The following SYN3 variants were observed in gnomAD, a reference collection of about 807,000 sequenced individuals.
The protein encoded by SYN3 is synapsin-3.
Under a neutral mutation model 65.8 loss-of-function variants are expected in SYN3, and 35 were observed. That is an observed-to-expected ratio of 0.53 (90% CI 0.41 to 0.70). The LOEUF (loss-of-function observed/expected upper bound fraction) is 0.70. SYN3 is among the 30% of genes least tolerant of loss of function. The pLI, the probability that SYN3 is intolerant of heterozygous loss-of-function variation, is 0.00. For missense variants in SYN3, 680 were observed against 749.0 expected, an observed-to-expected ratio of 0.91 and a Z score of 1.08; for synonymous variants, 270 against 292.9, an observed-to-expected ratio of 0.92 and a Z score of 0.80.
At chr22:32,859,451 G>A (rs1421013518) in intron 6 of SYN3, 1 of 1,520,614 alleles carries the variant, frequency 6.6e-7, no homozygotes, top group African/African-American at 1.4e-5. Context: ...CTTCCCAGAT[G>A]ATGACAATGA....
chr22:32,797,287 AT>A (rs1238497206), intron 6 of SYN3, among the ~76,000 whole-genome samples: 4 of 152,192 alleles, frequency 2.6e-5, no homozygotes, highest in African/African-American at 9.6e-5. Flanking sequence ...ACCAATACTT[AT>A]TAAACTCGTT....
chr22:32,981,810 T>C (rs2052382754), intron 2 of SYN3, among the ~76,000 whole-genome samples: 1 of 152,142 alleles, frequency 6.6e-6, no homozygotes, highest in Non-Finnish European at 1.5e-5. Context: ...AGGATGTTTA[T>C]AGTGTTTTAT....
chr22:32,672,992 A>G (rs1292330836), intron 6 of SYN3, among the ~76,000 whole-genome samples: 4 of 152,240 alleles, frequency 2.6e-5, no homozygotes, highest in Admixed American at 6.5e-5. Context: ...ACGAAGCCCA[A>G]TCCCCTTTGG....
rs563679381 is a variant in SYN3, at chr22:32,589,201, C to T, written c.774+7473G>A. On this transcript the variant is annotated intron_variant, in intron 7 of 13. Coordinates refer to ENST00000358763, the MANE Select transcript of SYN3 (RefSeq NM_003490.4). ...GCTCTCTTGCTCTTGAATTCTTTCC[C>T]GAACAAAGCCAAGAACCTTCCCAGG... Among the ~76,000 whole-genome samples the T allele has an allele frequency of 9.3e-4, 142 of 152,254 alleles. 1 individual carries two copies. The South Asian group carries it at 0.012, about 13-fold the overall frequency.
intron 6 of SYN3, among the ~76,000 whole-genome samples, chr22:32,689,843 G>A (rs2060639231): frequency 6.6e-6 from 1 of 152,120 alleles, no homozygotes; most frequent in East Asian, 1.9e-4. Flanking sequence ...CGTCATCAGG[G>A]CAGAGTTTTT....
At chr22:32,865,871 G>C (rs1201381360) in intron 5 of SYN3, among the ~76,000 whole-genome samples, 1 of 152,162 alleles carries the variant, frequency 6.6e-6, no homozygotes, top group African/African-American at 2.4e-5. Flanking sequence ...ACCTGGAAGG[G>C]GGACAGAGTA....
At chr22:33,025,479 C>T (rs959651278) in intron 1 of SYN3, among the ~76,000 whole-genome samples, 2 of 133,624 alleles carry the variant, frequency 1.5e-5, no homozygotes, top group African/African-American at 5.5e-5. Context: ...ACTAAAAATA[C>T]AAAAATTAGC....
At chr22:32,951,424 C>T (rs906485426) in intron 3 of SYN3, among the ~76,000 whole-genome samples, 4 of 152,200 alleles carry the variant, frequency 2.6e-5, no homozygotes, top group African/African-American at 9.6e-5. Context: ...GCACTCATCC[C>T]TACGTGACAT....
chr22:32,894,662 A>C lies in SYN3; in HGVS notation c.462-25537T>G, dbSNP rs1248047492. Among the ~76,000 whole-genome samples, 4 of 152,234 alleles carry C rather than the reference A, an allele frequency of 2.6e-5. No homozygotes were observed. The East Asian group carries it at 7.7e-4, about 29-fold the overall frequency. Reference sequence around the variant, plus strand: ...GCAAGATGGTTCATCTTATGTGTCAACTTGACTGGGCTACAGGTGTTTAAA... The same window carrying C: ...GCAAGATGGTTCATCTTATGTGTCACCTTGACTGGGCTACAGGTGTTTAAA... On this transcript the variant is annotated intron_variant, in intron 4 of 13. Transcript: ENST00000358763.
intron 3 of SYN3, among the ~76,000 whole-genome samples, chr22:32,947,929 C>T (rs1601760052): frequency 1.3e-5 from 2 of 152,264 alleles, no homozygotes; most frequent in South Asian, 4.1e-4. Context: ...TGGGAGGAAG[C>T]CACTTCCAGA....
At position 32,513,722 on chromosome 22, in the gene SYN3, C is replaced by T. The variant is rs1228921276; in HGVS notation, c.1713G>A (p.Arg571=). 3 of 1,614,062 alleles carry T rather than the reference C, an allele frequency of 1.9e-6. No homozygotes were observed. Among genetic ancestry groups the T allele is most frequent in the Admixed American group, 1.7e-5 (1 of 60,008 alleles). Residue 571 remains arginine (R), a synonymous_variant, in exon 14 of 14, where the codon AGG becomes AGA. Transcript: ENST00000358763. The part of the protein sequence containing the change: ...EAKAETIRNL[R]KSFASLFSD ...CAGAGAACAGGCTGGCAAAAGACTT[C>T]CTCAGGTTGCGGATGGTTTCAGCCT...
intron 6 of SYN3, among the ~76,000 whole-genome samples, chr22:32,643,228 C>T (rs534677119): frequency 2.6e-5 from 4 of 152,198 alleles, no homozygotes; most frequent in Non-Finnish European, 4.4e-5. Context: ...TACAGGTGCA[C>T]GCCACCATGC....
chr22:32,541,729 AG>A lies in SYN3; in HGVS notation c.775-17del. ...CCACTTTGATCTGTGTGGGAGGATG[AG>A]GGGGATGAGTGCCACCCACCCCGTG... On this transcript the variant is annotated splice_polypyrimidine_tract_variant and intron_variant, in intron 7 of 13. Transcript: ENST00000358763. 6.2e-7 allele frequency: 1 copy of A among 1,611,120 alleles called. No homozygotes were observed. The highest frequency in any genetic ancestry group is 8.5e-7 in the Non-Finnish European group (1 of 1,178,254).
chr22:32,686,485 C>T (rs2060590210), intron 6 of SYN3, among the ~76,000 whole-genome samples: 1 of 151,650 alleles, frequency 6.6e-6, no homozygotes, highest in African/African-American at 2.4e-5. Flanking sequence ...CTCCATGCCT[C>T]CTGAATCCAG....
chr22:32,908,329 G>A (rs1179534144), intron 4 of SYN3, among the ~76,000 whole-genome samples: 2 of 149,292 alleles, frequency 1.3e-5, no homozygotes, highest in Admixed American at 6.7e-5. Context: ...CAAGTGATCC[G>A]CCCACCTTGG....
At chr22:32,672,760 C>A (rs1325185344) in intron 6 of SYN3, among the ~76,000 whole-genome samples, 2 of 152,188 alleles carry the variant, frequency 1.3e-5, no homozygotes. Flanking sequence ...TGGGGTGGTT[C>A]CCACATTGGG....
At chr22:32,664,940 C>T (rs1310586772) in intron 6 of SYN3, among the ~76,000 whole-genome samples, 1 of 151,070 alleles carries the variant, frequency 6.6e-6, no homozygotes, top group Non-Finnish European at 1.5e-5. Context: ...CCCTCAACCC[C>T]TCCCACCCTT....
chr22:32,768,336 C>A (rs135149), intron 6 of SYN3, among the ~76,000 whole-genome samples: 2 of 152,078 alleles, frequency 1.3e-5, no homozygotes, highest in Admixed American at 6.5e-5. Flanking sequence ...ATATTCGCCC[C>A]TTTCTCTGCC....
chr22:32,913,947 C>A (rs1356262704), intron 4 of SYN3, among the ~76,000 whole-genome samples: 1 of 152,200 alleles, frequency 6.6e-6, no homozygotes, highest in Non-Finnish European at 1.5e-5. Context: ...TGATGAAAAT[C>A]GACAATAATC....
Sources: allele counts gnomAD v4.1 joint callset (sites outside exome capture counted in the v4.1 genomes callset), GRCh38; gene constraint gnomAD v4.1.1; transcripts MANE v1.5; gene names NCBI Gene and HGNC (gene_info 2026-07-23, HGNC 2026-07-21).